The following CHRM3 variants were observed in gnomAD, a reference collection of about 807,000 sequenced individuals.
CHRM3 encodes the protein cholinergic receptor muscarinic 3.
A neutral mutation model predicts 41.8 loss-of-function variants in CHRM3; 11 were observed. The ratio of observed to expected loss-of-function variants is 0.26; its 90% CI spans 0.17 to 0.44. The LOEUF is 0.44. Ranked by LOEUF, CHRM3 falls within the 20% of genes least tolerant of loss-of-function variation. The pLI is 1.00. For synonymous variants in CHRM3, 297 were observed against 301.4 expected, an observed-to-expected ratio of 0.99 and a Z score of 0.15; for missense variants, 571 against 745.4, an observed-to-expected ratio of 0.77 and a Z score of 2.72.
chr1:239,491,433 G>C (rs1374280579), intron 1 of CHRM3, among the ~76,000 whole-genome samples: 1 of 152,198 alleles, frequency 6.6e-6, no homozygotes, highest in African/African-American at 2.4e-5. Flanking sequence ...ATGAATGACA[G>C]CATGTGGTGT....
At chr1:239,414,211 G>T (rs1012257646) in intron 1 of CHRM3, among the ~76,000 whole-genome samples, 1 of 152,034 alleles carries the variant, frequency 6.6e-6, no homozygotes, top group Non-Finnish European at 1.5e-5. Context: ...CTGCTCCTTT[G>T]CTATCTTTCT....
At chr1:239,445,941 A>G (rs1219375306) in intron 1 of CHRM3, among the ~76,000 whole-genome samples, 2 of 142,090 alleles carry the variant, frequency 1.4e-5, no homozygotes, top group Non-Finnish European at 3.1e-5. Context: ...AATGGTGTGC[A>G]CTTTTTTTTT....
At chr1:239,481,801 G>A (rs1298865446) in intron 1 of CHRM3, among the ~76,000 whole-genome samples, 3 of 152,172 alleles carry the variant, frequency 2.0e-5, no homozygotes, top group African/African-American at 7.2e-5. Flanking sequence ...TACCCACAGA[G>A]ATGGAGAGGG....
chr1:239,607,193 T>TC (rs905664906), intron 3 of CHRM3, among the ~76,000 whole-genome samples: 10 of 152,152 alleles, frequency 6.6e-5, no homozygotes, highest in African/African-American at 2.4e-4. Flanking sequence ...CCCCATTCTT[T>TC]CCCTGCAGCA....
At chr1:239,463,713 A>T (rs1482488198) in intron 1 of CHRM3, among the ~76,000 whole-genome samples, 1 of 151,828 alleles carries the variant, frequency 6.6e-6, no homozygotes, top group African/African-American at 2.4e-5. Context: ...TACATTTTTA[A>T]TTCATTTCTA....
At chr1:239,599,150 T>C (rs73122644) in intron 3 of CHRM3, among the ~76,000 whole-genome samples, 2,378 of 152,292 alleles carry the variant, frequency 0.016, 59 homozygotes, top group African/African-American at 0.051. Flanking sequence ...TCTTTGTCTC[T>C]TATTTTCTGC....
chr1:239,456,258 A>T (rs750096619), intron 1 of CHRM3, among the ~76,000 whole-genome samples: 4 of 152,102 alleles, frequency 2.6e-5, no homozygotes, highest in Non-Finnish European at 4.4e-5. Flanking sequence ...TTCATGACTA[A>T]CTCACCCAGA....
intron 4 of CHRM3, among the ~76,000 whole-genome samples, chr1:239,646,742 G>A (rs1671774173): frequency 6.6e-6 from 1 of 152,068 alleles, no homozygotes; most frequent in African/African-American, 2.4e-5. Flanking sequence ...AGGCAGACAA[G>A]GCCAGAATGA....
chr1:239,881,225 G>A (rs1428027402), intron 6 of CHRM3, among the ~76,000 whole-genome samples: 5 of 134,648 alleles, frequency 3.7e-5, no homozygotes, highest in Admixed American at 1.7e-4. Flanking sequence ...GGAGCTTGCA[G>A]TGAGCCGAGA....
intron 6 of CHRM3, among the ~76,000 whole-genome samples, chr1:239,832,312 C>A (rs1048642111): frequency 4.6e-5 from 7 of 152,144 alleles, no homozygotes; most frequent in Non-Finnish European, 1.0e-4. Context: ...AGAAAGCAAA[C>A]TGGAGTCTGG....
intron 3 of CHRM3, among the ~76,000 whole-genome samples, chr1:239,620,110 T>G (rs960176818): frequency 2.6e-5 from 4 of 152,224 alleles, no homozygotes; most frequent in African/African-American, 9.6e-5. Context: ...ATTATAGTTT[T>G]GTGGGAAAAA....
In CHRM3 at chr1:239,791,869, C is replaced by G. The variant is rs1414497086; in HGVS notation, c.-146-35383C>G. ...GACAGCAATGGGGGCATGTGGCTAC[C>G]AGAAACACAGTGGGTAGATTGGCAG... On this transcript the variant is annotated intron_variant, in intron 5 of 6. Coordinates refer to ENST00000676153, the MANE Select transcript of CHRM3 (RefSeq NM_001375978.1). Among the ~76,000 whole-genome samples the G allele has an allele frequency of 2.0e-5, 3 of 152,076 alleles. No homozygotes were observed. In the East Asian group the frequency reaches 5.8e-4, roughly 29 times the overall value.
intron 1 of CHRM3, among the ~76,000 whole-genome samples, chr1:239,436,656 A>G (rs1257600716): frequency 3.9e-5 from 6 of 152,086 alleles, no homozygotes; most frequent in Admixed American, 3.9e-4. Context: ...CACATTCATT[A>G]ATCATGCTCA....
At position 239,823,210 on chromosome 1, in the gene CHRM3, A is replaced by G. The variant is rs140709734; in HGVS notation, c.-146-4042A>G. Among the ~76,000 whole-genome samples the G allele has an allele frequency of 2.4e-4, 36 of 152,342 alleles. 1 individual carries two copies. In the East Asian group the frequency reaches 6.8e-3, roughly 29 times the overall value. ...CTTATCTGATCATCAAGAAAGCTCA[A>G]TGAAAGAGGCAAATAAGGTAATATC... On this transcript the variant is annotated intron_variant, in intron 5 of 6. Coordinates refer to ENST00000676153, the MANE Select transcript of CHRM3 (RefSeq NM_001375978.1).
chr1:239,516,697 T>A (rs925534280), intron 2 of CHRM3, among the ~76,000 whole-genome samples: 2 of 152,194 alleles, frequency 1.3e-5, no homozygotes, highest in African/African-American at 4.8e-5. Flanking sequence ...AGATAGGTAC[T>A]GGTCTGCTAT....
intron 3 of CHRM3, among the ~76,000 whole-genome samples, chr1:239,588,230 T>G (rs1572808856): frequency 6.6e-6 from 1 of 152,200 alleles, no homozygotes; most frequent in Non-Finnish European, 1.5e-5. Flanking sequence ...AGGGACAGTA[T>G]TTATGAAACT....
At chr1:239,673,855 G>A (rs1331691705) in intron 4 of CHRM3, among the ~76,000 whole-genome samples, 1 of 152,036 alleles carries the variant, frequency 6.6e-6, no homozygotes, top group Non-Finnish European at 1.5e-5. Flanking sequence ...TACACAAATA[G>A]TTTCTATTAT....
At chr1:239,431,286 T>A (rs6671073) in intron 1 of CHRM3, among the ~76,000 whole-genome samples, 8,105 of 152,210 alleles carry the variant, frequency 0.053, 671 homozygotes, top group African/African-American at 0.18. Flanking sequence ...AGTAGATTTT[T>A]TGTTCTAGTA....
chr1:239,599,369 A>G (rs990440998), intron 3 of CHRM3, among the ~76,000 whole-genome samples: 24 of 148,534 alleles, frequency 1.6e-4, no homozygotes, highest in African/African-American at 4.5e-4. Context: ...CTTTTCTTCT[A>G]TTCTTGGATC....
Sources: allele counts gnomAD v4.1 joint callset (sites outside exome capture counted in the v4.1 genomes callset), GRCh38; gene constraint gnomAD v4.1.1; transcripts MANE v1.5; gene names NCBI Gene and HGNC (gene_info 2026-07-23, HGNC 2026-07-21).